COL28A1: variants seen among roughly 807,000 people sequenced by gnomAD.
COL28A1 encodes collagen type XXVIII alpha 1 chain.
Under a neutral mutation model 150.2 loss-of-function variants are expected in COL28A1, and 161 were observed. The observed-to-expected ratio is 1.07, with a 90% confidence interval of 0.94 to 1.22. The LOEUF is 1.22. Ranked by LOEUF, COL28A1 falls within the 50% of genes most tolerant of loss-of-function variation. The pLI is 0.00. For synonymous variants in COL28A1, 552 were observed against 469.7 expected, an observed-to-expected ratio of 1.18 and a Z score of -2.26; for missense variants, 1,617 against 1,388.3, an observed-to-expected ratio of 1.16 and a Z score of -2.62.
chr7:7,386,042 T>G (rs1414462868), intron 27 of COL28A1, among the ~76,000 whole-genome samples: 1 of 152,172 alleles, frequency 6.6e-6, no homozygotes, highest in Non-Finnish European at 1.5e-5. Flanking sequence ...AACAACCTAT[T>G]TTATTGGAAG....
intron 13 of COL28A1, among the ~76,000 whole-genome samples, chr7:7,482,132 T>C (rs952720578): frequency 6.6e-6 from 1 of 152,200 alleles, no homozygotes; most frequent in Non-Finnish European, 1.5e-5. Context: ...TACGAAACAC[T>C]TGAAATAATT....
intron 4 of COL28A1, among the ~76,000 whole-genome samples, chr7:7,523,780 A>G (rs17168463): frequency 0.27 from 40,495 of 151,906 alleles, 5,570 homozygotes; most frequent in Middle Eastern, 0.38. Flanking sequence ...TTTCTTCACA[A>G]TAAGGAGAAT....
chr7:7,543,292 G>C, the COL28A1 span, among the ~76,000 whole-genome samples: 1,293 of 152,196 alleles, frequency 8.5e-3, 21 homozygotes, highest in African/African-American at 0.029. Context: ...CAAAGAAAAA[G>C]GTGCATGTGC....
At chr7:7,403,474 A>T (rs189056004) in intron 27 of COL28A1, among the ~76,000 whole-genome samples, 1 of 152,088 alleles carries the variant, frequency 6.6e-6, no homozygotes, top group East Asian at 1.9e-4. Context: ...TTATACTCAC[A>T]CTCACATTTT....
chr7:7,394,466 T>C (rs1782727021), intron 27 of COL28A1, among the ~76,000 whole-genome samples: 1 of 152,258 alleles, frequency 6.6e-6, no homozygotes, highest in Non-Finnish European at 1.5e-5. Flanking sequence ...TGCACTTTGA[T>C]ATTCTTACTT....
In COL28A1 at chr7:7,477,108, T is replaced by C; in HGVS notation, c.1233+4A>G. 8.9e-7 allele frequency: 1 copy of C among 1,122,894 alleles called. No homozygotes were observed. Among genetic ancestry groups the C allele is most frequent in the Non-Finnish European group, 1.4e-6 (1 of 730,340 alleles). The allele number at this position is 1,122,894 out of a possible 1,614,324, so 69.6% of individuals were successfully genotyped here. Reference sequence around the variant, plus strand: ...CCTTTTCCTGGTACAGAAGGTATTGTTACCTTTGGTCCTGGAAATCCTTCT... The same window carrying C: ...CCTTTTCCTGGTACAGAAGGTATTGCTACCTTTGGTCCTGGAAATCCTTCT... On this transcript the variant is annotated splice_donor_region_variant and intron_variant, in intron 14 of 34. Coordinates refer to ENST00000399429, the MANE Select transcript of COL28A1 (RefSeq NM_001037763.3).
At chr7:7,434,567 T>C (rs1785208309) in intron 23 of COL28A1, among the ~76,000 whole-genome samples, 1 of 152,206 alleles carries the variant, frequency 6.6e-6, no homozygotes, top group Non-Finnish European at 1.5e-5. Flanking sequence ...TAGAACAAAT[T>C]GTCAGCAGCT....
chr7:7,354,534 A>G (rs1780306254), downstream of COL28A1, among the ~76,000 whole-genome samples: 1 of 152,216 alleles, frequency 6.6e-6, no homozygotes, highest in African/African-American at 2.4e-5. Flanking sequence ...ATAGGGTATT[A>G]GAGCTAAAAA....
intron 18 of COL28A1, among the ~76,000 whole-genome samples, chr7:7,449,061 G>T (rs1042312669): frequency 1.3e-5 from 2 of 151,756 alleles, no homozygotes; most frequent in African/African-American, 2.4e-5. Flanking sequence ...TGATTCCAAG[G>T]GTATACACAT....
downstream of COL28A1, among the ~76,000 whole-genome samples, chr7:7,353,531 C>T (rs570886409): frequency 6.6e-6 from 1 of 152,168 alleles, no homozygotes; most frequent in South Asian, 2.1e-4. Flanking sequence ...CTGGATTTGC[C>T]CTAAAGTTGG....
chr7:7,355,482 C>A (rs1027495670), downstream of COL28A1, among the ~76,000 whole-genome samples: 4 of 151,920 alleles, frequency 2.6e-5, no homozygotes, highest in African/African-American at 7.3e-5. Flanking sequence ...TGGTGGCAGG[C>A]GGCTGTAGTC....
downstream of COL28A1, among the ~76,000 whole-genome samples, chr7:7,353,214 A>G (rs1780270729): frequency 6.6e-6 from 1 of 152,208 alleles, no homozygotes; most frequent in Admixed American, 6.5e-5. Flanking sequence ...AGTCTGTTCA[A>G]TTCCACACTG....
At chr7:7,419,179 G>A (rs542951541) in intron 26 of COL28A1, among the ~76,000 whole-genome samples, 12 of 152,210 alleles carry the variant, frequency 7.9e-5, no homozygotes, top group Non-Finnish European at 1.3e-4. Flanking sequence ...ATTAAAACTA[G>A]GTTTCTCAAA....
intron 11 of COL28A1, among the ~76,000 whole-genome samples, chr7:7,494,540 A>T (rs1780100925): frequency 6.6e-6 from 1 of 152,234 alleles, no homozygotes; most frequent in Non-Finnish European, 1.5e-5. Context: ...AAAACATCTA[A>T]GTCATAACCA....
intron 3 of COL28A1, among the ~76,000 whole-genome samples, chr7:7,524,489 T>C (rs1349916328): frequency 2.0e-5 from 3 of 152,212 alleles, no homozygotes; most frequent in Non-Finnish European, 4.4e-5. Flanking sequence ...AGGAACTTCA[T>C]CTTACTGCAT....
upstream of COL28A1, among the ~76,000 whole-genome samples, chr7:7,539,834 T>C (rs1203249053): frequency 6.6e-6 from 1 of 151,942 alleles, no homozygotes; most frequent in Non-Finnish European, 1.5e-5. Context: ...AATTATCTTT[T>C]ATATCGTTTA....
At chr7:7,522,836 A>C (rs1006490245) in intron 4 of COL28A1, among the ~76,000 whole-genome samples, 2 of 141,998 alleles carry the variant, frequency 1.4e-5, no homozygotes, top group African/African-American at 5.4e-5. Context: ...AAAAAAAAAA[A>C]GGGCCGTGCA....
intron 6 of COL28A1, 76 bp downstream of exon 6, chr7:7,519,986 T>C: frequency 2.5e-6 from 2 of 792,698 alleles, no homozygotes; most frequent in South Asian, 1.6e-5. Flanking sequence ...TGCTTTTTAT[T>C]TTTAAAATTG....
At chr7:7,367,560 T>C (rs1236004447) in intron 33 of COL28A1, among the ~76,000 whole-genome samples, 1 of 152,110 alleles carries the variant, frequency 6.6e-6, no homozygotes, top group Non-Finnish European at 1.5e-5. Flanking sequence ...TCAGTTTCCC[T>C]TCATGTGGCT....
Sources: allele counts gnomAD v4.1 joint callset (sites outside exome capture counted in the v4.1 genomes callset), GRCh38; gene constraint gnomAD v4.1.1; transcripts MANE v1.5; gene names NCBI Gene and HGNC (gene_info 2026-07-23, HGNC 2026-07-21).